The following FOCAD variants were observed in gnomAD, a reference collection of about 807,000 sequenced individuals.
The protein encoded by FOCAD is focadhesin.
In FOCAD, 198 loss-of-function variants were observed where a neutral mutation model predicts 225.6. That is an observed-to-expected ratio of 0.88 (90% CI 0.78 to 0.99). The LOEUF is 0.99. Among genes scored for constraint, FOCAD ranks in the 50% least tolerant of loss-of-function variants. FOCAD has a pLI of 0.00. For synonymous variants in FOCAD, 897 were observed against 755.0 expected (o/e 1.19, Z -3.08); for missense variants, 2,713 against 2,123.6 (o/e 1.28, Z -5.46).
At chr9:20,901,717 C>G (rs1475613843) in intron 21 of FOCAD, among the ~76,000 whole-genome samples, 2 of 151,842 alleles carry the variant, frequency 1.3e-5, no homozygotes, top group Admixed American at 6.6e-5. Flanking sequence ...TGTTTCTAAG[C>G]AGAACATTTC....
rs80233379 is a variant in FOCAD at position 20,758,232 on chromosome 9, G to C, written c.494+41G>C. 162 of 1,416,920 alleles carry C rather than the reference G, an allele frequency of 1.1e-4. 1 individual carries two copies. The Middle Eastern group carries it at 2.5e-3, about 22-fold the overall frequency. 87.8% of individuals were successfully genotyped at this position (1,416,920 alleles called of 1,614,324 possible). A position where few individuals can be genotyped will look rare whatever the true frequency, so the allele number is the denominator to read the frequency against. On this transcript the variant is annotated intron_variant, in intron 6 of 43. Coordinates refer to ENST00000338382, the MANE Select transcript of FOCAD (RefSeq NM_001375567.1). ...AGTGTAAAATAAAGTGAGGGAGACA[G>C]AATGGTATATGCTAATTTTAGAGCT...
intron 41 of FOCAD, 44 bp downstream of exon 41, chr9:20,988,473 A>C (rs772877367): frequency 8.7e-7 from 1 of 1,144,494 alleles, no homozygotes; most frequent in Non-Finnish European, 1.2e-6. Flanking sequence ...AAAATACAGA[A>C]CTTATATTAG....
chr9:20,864,825 C>G (rs1829086430), intron 16 of FOCAD, among the ~76,000 whole-genome samples: 1 of 152,024 alleles, frequency 6.6e-6, no homozygotes, highest in Admixed American at 6.6e-5. Context: ...TTTTGAGTAC[C>G]TATTCAATCC....
chr9:20,685,197 T>TA (rs1491134669), intron 1 of FOCAD, among the ~76,000 whole-genome samples: 2 of 91,648 alleles, frequency 2.2e-5, no homozygotes, highest in Admixed American at 9.8e-5. Flanking sequence ...GAGTTGGAAA[T>TA]TTTTTTTTTT....
At chr9:20,920,844 A>G (rs947838719) in intron 24 of FOCAD, among the ~76,000 whole-genome samples, 2 of 151,166 alleles carry the variant, frequency 1.3e-5, no homozygotes, top group African/African-American at 4.8e-5. Context: ...GGATAGCATT[A>G]GGAGATATAC....
At position 20,929,344 on chromosome 9, in the gene FOCAD, T is replaced by C. The variant is rs1835249036; in HGVS notation, c.3079-14T>C. On this transcript the variant is annotated splice_polypyrimidine_tract_variant and intron_variant, in intron 26 of 43. Coordinates refer to ENST00000338382, the MANE Select transcript of FOCAD (RefSeq NM_001375567.1). ...TTAAGGCTAACCCTGTTTTCTTTCT[T>C]TGGCATGTCCTAGAAGTCCTATTCT... The C allele has an allele frequency of 6.2e-7, 1 of 1,608,106 alleles. No individual in the cohort carries two copies. Among genetic ancestry groups the C allele is most frequent in the African/African-American group, 1.3e-5 (1 of 74,840 alleles).
In FOCAD at chr9:20,982,408, A is replaced by G. The variant is rs1387103271; in HGVS notation, c.4690A>G (p.Thr1564Ala). ...ISIAKCLLEM[T>A]DDDANRIAQV... is the part of the protein sequence containing the mutation. ...CATAGCAAAATGCCTCTTAGAAATG[A>G]CAGATGATGATGCCAATCGGATCGC... is the stretch of plus-strand genomic sequence containing the variant. The change falls in exon 39 of 44, where the codon ACA becomes GCA. Residue 1564 changes from threonine (T) to alanine (A), a missense_variant. By Grantham distance (58) the Thr-to-Ala change is moderately conservative. Transcript: ENST00000338382. The G allele has an allele frequency of 6.2e-7, 1 of 1,613,976 alleles. No individual in the cohort carries two copies. Among genetic ancestry groups the G allele is most frequent in the East Asian group, 2.2e-5 (1 of 44,836 alleles).
chr9:20,950,653 A>G (rs1391774313), intron 33 of FOCAD, among the ~76,000 whole-genome samples: 1 of 152,186 alleles, frequency 6.6e-6, no homozygotes. Context: ...ATCTTAAGTA[A>G]CTGTCACCCC....
intron 2 of FOCAD, chr9:20,715,955 A>G (rs1825296089): frequency 4.9e-6 from 1 of 205,018 alleles, no homozygotes; most frequent in African/African-American, 2.3e-5. Flanking sequence ...AACTAGAAAC[A>G]TTCTGGTTAA....
intron 15 of FOCAD, among the ~76,000 whole-genome samples, chr9:20,842,320 C>T (rs1256386215): frequency 6.6e-6 from 1 of 151,776 alleles, no homozygotes; most frequent in Non-Finnish European, 1.5e-5. Flanking sequence ...GATAATTGGT[C>T]TAATGCTGAA....
At chr9:20,752,098 T>A (rs1366148669) in intron 5 of FOCAD, among the ~76,000 whole-genome samples, 1 of 146,564 alleles carries the variant, frequency 6.8e-6, no homozygotes, top group African/African-American at 2.5e-5. Flanking sequence ...TTTTCTCCCA[T>A]TTTGTAGGTT....
chr9:20,765,242 T>G (rs1829955984), intron 7 of FOCAD, among the ~76,000 whole-genome samples, 169 bp downstream of exon 7: 1 of 152,200 alleles, frequency 6.6e-6, no homozygotes, highest in Non-Finnish European at 1.5e-5. Flanking sequence ...AAATCTAGAT[T>G]TAATATGAAT....
chr9:20,674,513 C>G (rs1822172172), intron 2 of FOCAD, among the ~76,000 whole-genome samples: 2 of 152,114 alleles, frequency 1.3e-5, no homozygotes, highest in Admixed American at 1.3e-4. Context: ...AGGCCTAATT[C>G]TTGACAGAGA....
intron 5 of FOCAD, among the ~76,000 whole-genome samples, chr9:20,752,082 T>A (rs879055711): frequency 4.1e-5 from 6 of 144,680 alleles, no homozygotes; most frequent in Admixed American, 7.0e-5. Flanking sequence ...GAGTAGGTTG[T>A]GAAAATTTTC....
At chr9:20,761,260 G>T (rs946272613) in intron 6 of FOCAD, among the ~76,000 whole-genome samples, 5 of 152,054 alleles carry the variant, frequency 3.3e-5, no homozygotes, top group African/African-American at 1.2e-4. Flanking sequence ...TGAGAATGGT[G>T]CAAATTGATA....
chr9:20,777,461 A>G (rs968331009), intron 8 of FOCAD, among the ~76,000 whole-genome samples: 3 of 152,036 alleles, frequency 2.0e-5, no homozygotes, highest in Non-Finnish European at 4.4e-5. Flanking sequence ...CTCAAATAAC[A>G]TGTCTCTTGT....
Position 20,862,686 on chromosome 9 carries a change from T to G in FOCAD, c.2029T>G (p.Leu677Val). The change falls in exon 16 of 44, where the codon TTA (leucine) becomes GTA (valine). Residue 677 changes from leucine to valine, a missense_variant. By Grantham distance (32) the Leu-to-Val change is conservative (BLOSUM62 1). Transcript: ENST00000338382. ...LSELFSLVPS[L>V]TVNTTEYENF... ...TGAACTATTTTCTCTAGTTCCTTCC[T>G]TAACGGTCAATACAACTGAATATGA... The G allele has an allele frequency of 6.2e-7, 1 of 1,613,124 alleles. No individual in the cohort carries two copies. The highest frequency in any genetic ancestry group is 8.5e-7 in the Non-Finnish European group (1 of 1,179,416).
intron 4 of FOCAD, among the ~76,000 whole-genome samples, chr9:20,738,775 C>G (rs1479093627): frequency 6.6e-6 from 1 of 152,060 alleles, no homozygotes; most frequent in African/African-American, 2.4e-5. Flanking sequence ...CAAATGCAAG[C>G]CACATATGTA....
In FOCAD at chr9:20,819,993, T is replaced by G; in HGVS notation, c.1560+93T>G. ...GTATTATGAAATTTTAAGCCCTAAA[T>G]TTTGCCATAGTCACTACTTCTCTTG... On this transcript the variant is annotated intron_variant, in intron 12 of 43. Transcript: ENST00000338382. The G allele has an allele frequency of 5.3e-6, 4 of 751,108 alleles. No individual in the cohort carries two copies. The South Asian group carries it at 8.1e-5, about 15-fold the overall frequency. The allele number at this position is 751,108 out of a possible 1,614,324, so 46.5% of individuals were successfully genotyped here.
Sources: allele counts gnomAD v4.1 joint callset (sites outside exome capture counted in the v4.1 genomes callset), GRCh38; gene constraint gnomAD v4.1.1; transcripts MANE v1.5; gene names NCBI Gene and HGNC (gene_info 2026-07-23, HGNC 2026-07-21).